Variants in SGCE observed in about 807,000 individuals in gnomAD.
SGCE encodes the protein sarcoglycan epsilon.
SGCE carries 26 observed loss-of-function variants against 57.8 expected under a neutral mutation model. The ratio of observed to expected loss-of-function variants is 0.45; its 90% CI spans 0.33 to 0.62. The LOEUF is 0.62. Among genes scored for constraint, SGCE ranks in the 20% least tolerant of loss-of-function variants. The probability of loss-of-function intolerance (pLI) is 0.02; values close to 1 mark genes in which losing one functional copy is unlikely to be tolerated. For synonymous variants in SGCE, 183 were observed against 189.5 expected (o/e 0.97, Z 0.28); for missense variants, 468 against 548.6 (o/e 0.85, Z 1.47).
Position 94,618,822 on chromosome 7 carries a change from T to C in SGCE, c.598A>G (p.Asn200Asp). 1 of 1,614,056 alleles carries C rather than the reference T, an allele frequency of 6.2e-7. No homozygotes were observed. Among genetic ancestry groups the C allele is most frequent in the Non-Finnish European group, 8.5e-7 (1 of 1,179,978 alleles). ...CCCCTGTCTAGGGCCGATGTGATGTTTATGGCGTTCAGGCGCTCTGGCTGC... is the reference window on the plus strand; with the variant it reads ...CCCCTGTCTAGGGCCGATGTGATGTCTATGGCGTTCAGGCGCTCTGGCTGC... ...VWQPERLNAI[N>D]ITSALDRGGR... is the part of the protein sequence containing the mutation. Residue 200 changes from asparagine to aspartate, a missense_variant, in exon 5 of 11, where the codon AAC becomes GAC. Coordinates refer to ENST00000648936, the MANE Select transcript of SGCE (RefSeq NM_003919.3).
intron 3 of SGCE, 197 bp downstream of exon 3, chr7:94,628,005 G>T: frequency 3.9e-6 from 2 of 516,506 alleles, no homozygotes; most frequent in Non-Finnish European, 6.9e-6. Flanking sequence ...TAATATAAAA[G>T]CTGAAACAAA....
rs1804351312 is a variant in SGCE, at chr7:94,629,632, G to T, written c.232+87C>A. ...TTAGACCATTTGAAATAATGTTAAT[G>T]ATATTTTATCATATATGTCTATATT... On this transcript the variant is annotated intron_variant, in intron 2 of 10. Transcript: ENST00000648936. 3.4e-6 allele frequency: 4 copies of T among 1,172,914 alleles called. 1 individual carries two copies. Among genetic ancestry groups the T allele is most frequent in the Non-Finnish European group, 5.1e-6 (4 of 787,424 alleles). 72.7% of individuals were successfully genotyped at this position (1,172,914 alleles called of 1,614,324 possible).
intron 9 of SGCE, among the ~76,000 whole-genome samples, chr7:94,595,774 CT>C (rs1798308389): frequency 6.6e-6 from 1 of 152,196 alleles, no homozygotes; most frequent in South Asian, 2.1e-4. Context: ...TCCCTATTAT[CT>C]GGCATGGCTG....
intron 5 of SGCE, chr7:94,617,998 T>G (rs929584283): frequency 1.3e-5 from 2 of 152,136 alleles, no homozygotes; most frequent in African/African-American, 4.8e-5. Context: ...AGGATTGAGG[T>G]AGGAAAAGCA....
chr7:94,604,806 AATATATATATATATATATATAT>A (rs59162734), intron 5 of SGCE, among the ~76,000 whole-genome samples: 533 of 44,390 alleles, frequency 0.012, 18 homozygotes, highest in African/African-American at 0.038. Context: ...ATGGTGCTGG[AATATATATATATATATATATAT>A]ATATATATAT....
In SGCE at chr7:94,629,741, T is replaced by C. The variant is rs907043992; in HGVS notation, c.210A>G (p.Glu70=). The stretch of plus-strand genomic sequence containing the variant: ...TACCAGGTTTTGGGTAAGGTGGAAA[T>C]TCCCCCTTAAAATATTCTCTTTCCA... The part of the protein sequence containing the change: ...HVLEREYFKG[E]FPPYPKPGEI... The change falls in exon 2 of 11, where the codon GAA becomes GAG. Residue 70 remains glutamate, a synonymous_variant. Coordinates refer to ENST00000648936, the MANE Select transcript of SGCE (RefSeq NM_003919.3). 4.3e-6 allele frequency: 7 copies of C among 1,611,282 alleles called. No homozygotes were observed. The African/African-American group carries it at 9.3e-5, about 22-fold the overall frequency.
intron 5 of SGCE, 133 bp from the exon 6 acceptor site, chr7:94,603,585 G>C (rs780763535): frequency 1.3e-6 from 1 of 777,360 alleles, no homozygotes; most frequent in African/African-American, 1.8e-5. Flanking sequence ...TAGGGGCCTC[G>C]GCTCTAAAAA....
intron 1 of SGCE, among the ~76,000 whole-genome samples, chr7:94,630,617 A>G (rs1051033102): frequency 1.3e-5 from 2 of 151,860 alleles, no homozygotes; most frequent in African/African-American, 4.8e-5. Context: ...AAAATGACCA[A>G]TTGTTTTGAT....
At chr7:94,615,365 A>AATAGATAG (rs3045711) in intron 5 of SGCE, among the ~76,000 whole-genome samples, 14 of 142,310 alleles carry the variant, frequency 9.8e-5, no homozygotes, top group South Asian at 2.4e-4. Flanking sequence ...TCTCAAAATA[A>AATAGATAG]ATAGATAGAT....
At chr7:94,633,121 A>G (rs1804981099) in intron 1 of SGCE, among the ~76,000 whole-genome samples, 1 of 152,090 alleles carries the variant, frequency 6.6e-6, no homozygotes, top group Non-Finnish European at 1.5e-5. Context: ...CTCTCTGTGT[A>G]TCGCATGGTT....
At chr7:94,586,996 TG>T (rs986140749) in intron 10 of SGCE, 7 of 984,092 alleles carry the variant, frequency 7.1e-6, no homozygotes, top group South Asian at 4.7e-5. Context: ...TGCAGAAAAA[TG>T]TAAGAAAACA....
At chr7:94,637,851 C>T (rs1168067032) in intron 1 of SGCE, among the ~76,000 whole-genome samples, 2 of 152,188 alleles carry the variant, frequency 1.3e-5, no homozygotes, top group South Asian at 2.1e-4. Context: ...CAGAGATCCT[C>T]GGTGAGGCAC....
chr7:94,613,464 T>C (rs1801383787), intron 5 of SGCE, among the ~76,000 whole-genome samples: 1 of 152,188 alleles, frequency 6.6e-6, no homozygotes, highest in South Asian at 2.1e-4. Flanking sequence ...GAGGCTATTA[T>C]CAAGTATAAG....
At position 94,585,368 on chromosome 7, in the gene SGCE, A is replaced by T. The variant is rs984909373; in HGVS notation, c.*131T>A. On this transcript the variant is annotated 3_prime_UTR_variant, in exon 11 of 11. Transcript: ENST00000648936. The stretch of plus-strand genomic sequence containing the variant: ...TGAAAGTTATGTTGTATTATTTGGT[A>T]TACACTTAATACTGCCAACATGCAT... The T allele has an allele frequency of 3.9e-6, 3 of 771,926 alleles. No homozygotes were observed. In the African/African-American group the frequency reaches 5.1e-5, roughly 13 times the overall value. 47.8% of individuals were successfully genotyped at this position (771,926 alleles called of 1,614,324 possible).
At chr7:94,642,798 G>C (rs1248538956) in intron 1 of SGCE, among the ~76,000 whole-genome samples, 1 of 152,184 alleles carries the variant, frequency 6.6e-6, no homozygotes, top group African/African-American at 2.4e-5. Flanking sequence ...AAAGAACAAT[G>C]TATTTGTGGA....
rs199727473 is a variant in SGCE at position 94,618,880 on chromosome 7, A to C, written c.540T>G (p.Leu180=). 1 of 1,614,060 alleles carries C rather than the reference A, an allele frequency of 6.2e-7. No individual in the cohort carries two copies. The highest frequency in any genetic ancestry group is 1.7e-5 in the Admixed American group (1 of 60,016). ...TTTTCACTGCGCCAAGAAAGTCTCC[A>C]AGAACCTCACTGGCCAACATTTCTT... ...NVEEMLASEV[L]GDFLGAVKNV... Residue 180 remains leucine, a synonymous_variant, in exon 5 of 11, where the codon CTT becomes CTG. Coordinates refer to ENST00000648936, the MANE Select transcript of SGCE (RefSeq NM_003919.3).
chr7:94,587,211 C>T, intron 10 of SGCE: 1 of 985,492 alleles, frequency 1.0e-6, no homozygotes, highest in Non-Finnish European at 1.2e-6. Flanking sequence ...CTCTGTATTA[C>T]TAAAATGTAG....
intron 3 of SGCE, chr7:94,624,069 A>G (rs1803284094): frequency 5.1e-6 from 2 of 394,868 alleles, no homozygotes; most frequent in Non-Finnish European, 8.9e-6. Flanking sequence ...CAACACACAA[A>G]GCAAAGGCCA....
chr7:94,642,433 T>C (rs1806521314), intron 1 of SGCE, among the ~76,000 whole-genome samples: 1 of 152,104 alleles, frequency 6.6e-6, no homozygotes, highest in Admixed American at 6.6e-5. Context: ...GCTGGTTACA[T>C]AGGAAGCACG....
Sources: allele counts gnomAD v4.1 joint callset (sites outside exome capture counted in the v4.1 genomes callset), GRCh38; gene constraint gnomAD v4.1.1; transcripts MANE v1.5; gene names NCBI Gene and HGNC (gene_info 2026-07-23, HGNC 2026-07-21).